Variants in PTPRT observed in about 807,000 individuals in gnomAD.
The protein encoded by PTPRT is receptor-type tyrosine-protein phosphatase T.
In PTPRT, 56 loss-of-function variants were observed where a neutral mutation model predicts 176.8. The ratio of observed to expected loss-of-function variants is 0.32; its 90% CI spans 0.26 to 0.40. The LOEUF is 0.40. PTPRT is among the 10% of genes least tolerant of loss of function. The pLI, the probability that PTPRT is intolerant of heterozygous loss-of-function variation, is 1.00. For synonymous variants in PTPRT, 783 were observed against 739.0 expected (o/e 1.06, Z -0.96); for missense variants, 1,540 against 1,908.2 (o/e 0.81, Z 3.60).
At chr20:42,236,560 T>A (rs1001570946) in intron 14 of PTPRT, among the ~76,000 whole-genome samples, 3 of 151,714 alleles carry the variant, frequency 2.0e-5, no homozygotes, top group African/African-American at 7.3e-5. Context: ...TTCTTCCTTA[T>A]GGTCAACCAA....
At chr20:42,255,216 C>T (rs1042348261) in intron 13 of PTPRT, among the ~76,000 whole-genome samples, 14 of 152,192 alleles carry the variant, frequency 9.2e-5, no homozygotes, top group African/African-American at 3.1e-4. Context: ...CGTCTAGATG[C>T]CATCACTAAT....
the PTPRT span, among the ~76,000 whole-genome samples, chr20:42,052,017 G>A: frequency 2.0e-5 from 3 of 152,164 alleles, no homozygotes; most frequent in South Asian, 4.1e-4. Context: ...TGTTTGTGTG[G>A]GTTTCAAATC....
At chr20:43,033,628 G>A (rs1033517106) in intron 1 of PTPRT, among the ~76,000 whole-genome samples, 2 of 152,252 alleles carry the variant, frequency 1.3e-5, no homozygotes, top group East Asian at 1.9e-4. Flanking sequence ...ATGAAAAGAT[G>A]AGTAAATGCA....
chr20:42,871,948 G>T lies in PTPRT; in HGVS notation c.214+13859C>A, dbSNP rs144453768. Among the ~76,000 whole-genome samples the T allele has an allele frequency of 3.8e-4, 58 of 152,250 alleles. 1 individual carries two copies. The highest frequency in any genetic ancestry group is 1.3e-3 in the African/African-American group (55 of 41,562). ...ATTTAGAAGGATCTTGGAAGCTATAGGTCTTATTTTAACCTTAGACACTCT... is the reference window on the plus strand; with the variant it reads ...ATTTAGAAGGATCTTGGAAGCTATATGTCTTATTTTAACCTTAGACACTCT... On this transcript the variant is annotated intron_variant, in intron 2 of 30. Transcript: ENST00000373187.
chr20:43,051,284 T>C lies in PTPRT; in HGVS notation c.88+138362A>G, dbSNP rs535510615. 3.9e-5 allele frequency among the ~76,000 whole-genome samples: 6 copies of C among 152,338 alleles called. No homozygotes were observed. The South Asian group carries it at 1.2e-3, about 32-fold the overall frequency. Reference sequence around the variant, plus strand: ...TGGGTCTCTTGCCACAAAGGTCCTGTCTAAAGCCTGGTAAGTAAGTTAGCT... The same window carrying C: ...TGGGTCTCTTGCCACAAAGGTCCTGCCTAAAGCCTGGTAAGTAAGTTAGCT... On this transcript the variant is annotated intron_variant, in intron 1 of 30. Transcript: ENST00000373187.
At chr20:42,240,075 G>A (rs541475732) in intron 14 of PTPRT, among the ~76,000 whole-genome samples, 2 of 152,250 alleles carry the variant, frequency 1.3e-5, no homozygotes, top group East Asian at 3.9e-4. Context: ...ACCTCAGCCT[G>A]AGCCAAGAAA....
At chr20:42,970,332 G>A (rs538503457) in intron 1 of PTPRT, among the ~76,000 whole-genome samples, 6 of 152,236 alleles carry the variant, frequency 3.9e-5, no homozygotes, top group Admixed American at 2.6e-4. Flanking sequence ...TCAAGGATTC[G>A]GATCCAGACT....
chr20:43,001,892 A>C (rs185941103), intron 1 of PTPRT, among the ~76,000 whole-genome samples: 1,754 of 151,918 alleles, frequency 0.012, 46 homozygotes, highest in African/African-American at 0.04. Context: ...AAAAACAAAC[A>C]AAAAAAACCA....
intron 8 of PTPRT, among the ~76,000 whole-genome samples, chr20:42,462,508 T>C (rs2071037560): frequency 1.3e-5 from 2 of 151,998 alleles, no homozygotes; most frequent in African/African-American, 4.8e-5. Flanking sequence ...GTCAAGGAAT[T>C]TAAGCTGGGT....
At chr20:42,081,610 C>T (rs1253414116) in intron 30 of PTPRT, among the ~76,000 whole-genome samples, 1 of 152,148 alleles carries the variant, frequency 6.6e-6, no homozygotes, top group African/African-American at 2.4e-5. Flanking sequence ...TCCTTTAGGC[C>T]TGAATTAATG....
chr20:42,355,332 A>T (rs1031554635), intron 9 of PTPRT, among the ~76,000 whole-genome samples: 1 of 152,034 alleles, frequency 6.6e-6, no homozygotes, highest in East Asian at 1.9e-4. Flanking sequence ...TCCCCACTCC[A>T]TATCTCTTTA....
At chr20:42,390,052 G>A (rs1453515718) in intron 9 of PTPRT, among the ~76,000 whole-genome samples, 2 of 152,122 alleles carry the variant, frequency 1.3e-5, no homozygotes, top group Admixed American at 6.6e-5. Context: ...GACTTATACA[G>A]CCATCTAATA....
intron 6 of PTPRT, among the ~76,000 whole-genome samples, chr20:42,718,345 G>T (rs1378002279): frequency 6.6e-6 from 1 of 152,260 alleles, no homozygotes; most frequent in Non-Finnish European, 1.5e-5. Flanking sequence ...AGACCATACT[G>T]GCTAACACGG....
At chr20:42,108,636 T>C (rs557515342) in intron 23 of PTPRT, among the ~76,000 whole-genome samples, 1 of 127,320 alleles carries the variant, frequency 7.9e-6, no homozygotes, top group African/African-American at 3.3e-5. Flanking sequence ...ATGCTGGTAT[T>C]AGGAGTGGGA....
intron 7 of PTPRT, among the ~76,000 whole-genome samples, chr20:42,627,260 GTTTC>G (rs36044057): frequency 3.0e-4 from 45 of 151,736 alleles, no homozygotes; most frequent in East Asian, 2.7e-3. Flanking sequence ...GTTTTTCCAT[GTTTC>G]TTTCTTTCTT....
intron 16 of PTPRT, among the ~76,000 whole-genome samples, chr20:42,189,375 C>A (rs887862358): frequency 6.6e-6 from 1 of 152,184 alleles, no homozygotes. Context: ...TTTTCTCTAT[C>A]ATTTATCACA....
chr20:42,580,117 C>T (rs2073343280), intron 7 of PTPRT, among the ~76,000 whole-genome samples: 1 of 152,164 alleles, frequency 6.6e-6, no homozygotes, highest in African/African-American at 2.4e-5. Context: ...CAGCTTTCTA[C>T]ATATGGCTAG....
chr20:43,105,338 C>T (rs1178063731), intron 1 of PTPRT, among the ~76,000 whole-genome samples: 2 of 152,012 alleles, frequency 1.3e-5, no homozygotes, highest in Non-Finnish European at 2.9e-5. Flanking sequence ...ACTTCCCCAG[C>T]CCCCTTCATA....
At chr20:43,120,165 T>C (rs1600726282) in intron 1 of PTPRT, among the ~76,000 whole-genome samples, 1 of 152,160 alleles carries the variant, frequency 6.6e-6, no homozygotes, top group Non-Finnish European at 1.5e-5. Flanking sequence ...ACAATAGAAT[T>C]ACGAGGATCT....
Sources: gnomAD v4.1 joint callset for allele counts (sites outside exome capture counted in the v4.1 genomes callset) on GRCh38, gnomAD v4.1.1 for gene constraint, MANE v1.5 for transcripts, NCBI Gene and HGNC (gene_info 2026-07-23, HGNC 2026-07-21) for gene names.